PBX3: variants seen among roughly 807,000 people sequenced by gnomAD.
PBX3 encodes PBX homeobox 3.
PBX3 carries 14 observed loss-of-function variants against 48.5 expected under a neutral mutation model. The ratio of observed to expected loss-of-function variants is 0.29; its 90% CI spans 0.19 to 0.45. The LOEUF (loss-of-function observed/expected upper bound fraction) is 0.45. PBX3 is among the 20% of genes least tolerant of loss of function. PBX3 has a pLI of 1.00. For synonymous variants in PBX3, 210 were observed against 200.3 expected (o/e 1.05, Z -0.41); for missense variants, 386 against 546.7 (o/e 0.71, Z 2.93).
At chr9:125,890,082 C>T (rs1840604956) in intron 2 of PBX3, among the ~76,000 whole-genome samples, 1 of 152,142 alleles carries the variant, frequency 6.6e-6, no homozygotes, top group African/African-American at 2.4e-5. Context: ...AAAGTTAGTG[C>T]TTTTCCAATC....
chr9:125,805,271 T>G (rs10986935), intron 2 of PBX3, among the ~76,000 whole-genome samples: 3,054 of 151,884 alleles, frequency 0.02, 172 homozygotes, highest in East Asian at 0.17. Flanking sequence ...ACAGAGTGGA[T>G]GCCTTTGGGA....
intron 2 of PBX3, among the ~76,000 whole-genome samples, chr9:125,763,906 T>A (rs1205943886): frequency 6.6e-6 from 1 of 152,230 alleles, no homozygotes; most frequent in Non-Finnish European, 1.5e-5. Flanking sequence ...GATAGATTTT[T>A]TTGTGGAAGC....
chr9:125,801,482 A>T (rs1837942703), intron 2 of PBX3, among the ~76,000 whole-genome samples: 1 of 152,218 alleles, frequency 6.6e-6, no homozygotes, highest in Non-Finnish European at 1.5e-5. Context: ...TATGATTTCC[A>T]AGTATTTTGA....
At chr9:125,819,771 AC>A (rs557430318) in intron 2 of PBX3, among the ~76,000 whole-genome samples, 164 of 152,304 alleles carry the variant, frequency 1.1e-3, no homozygotes, top group African/African-American at 3.8e-3. Flanking sequence ...TGTACTCTTC[AC>A]TTTTAAGTTT....
At chr9:125,942,554 A>G (rs1438593070) in intron 5 of PBX3, among the ~76,000 whole-genome samples, 12 of 152,228 alleles carry the variant, frequency 7.9e-5, no homozygotes, top group African/African-American at 2.2e-4. Flanking sequence ...AAAGAAGATG[A>G]CTATCAAATT....
intron 2 of PBX3, among the ~76,000 whole-genome samples, chr9:125,786,144 G>A (rs1353228420): frequency 2.0e-5 from 3 of 152,172 alleles, no homozygotes; most frequent in Non-Finnish European, 4.4e-5. Context: ...TGTTGAGTTT[G>A]AGGTACTATG....
At chr9:125,924,708 T>C (rs1841533165) in intron 3 of PBX3, among the ~76,000 whole-genome samples, 1 of 152,236 alleles carries the variant, frequency 6.6e-6, no homozygotes, top group Non-Finnish European at 1.5e-5. Flanking sequence ...AAATATCGTA[T>C]TTATGGATAT....
chr9:125,833,156 A>G (rs1839014435), intron 2 of PBX3, among the ~76,000 whole-genome samples: 1 of 152,152 alleles, frequency 6.6e-6, no homozygotes, highest in African/African-American at 2.4e-5. Flanking sequence ...ATTTGTGTTT[A>G]CTGAGTTCCT....
At chr9:125,915,971 G>A (rs777747048) in intron 3 of PBX3, 44 bp downstream of exon 3, 1 of 1,598,418 alleles carries the variant, frequency 6.3e-7, no homozygotes, top group South Asian at 1.1e-5. Flanking sequence ...ACCCTCTGTT[G>A]CTCTTCTATT....
chr9:125,869,595 AT>A (rs1840068899), intron 2 of PBX3, among the ~76,000 whole-genome samples: 1 of 152,238 alleles, frequency 6.6e-6, no homozygotes, highest in African/African-American at 2.4e-5. Flanking sequence ...AATCAATGAA[AT>A]AATTTCAAAG....
chr9:125,819,668 G>A (rs1431762821), intron 2 of PBX3, among the ~76,000 whole-genome samples: 1 of 152,056 alleles, frequency 6.6e-6, no homozygotes, highest in East Asian at 1.9e-4. Flanking sequence ...CTTCATTTAT[G>A]AATAGATTTA....
chr9:125,859,119 A>G (rs1444848636), intron 2 of PBX3, among the ~76,000 whole-genome samples: 3 of 152,194 alleles, frequency 2.0e-5, no homozygotes, highest in South Asian at 2.1e-4. Flanking sequence ...AGGAGAAACG[A>G]TAGTATAGGC....
chr9:125,816,413 C>T (rs73667084), intron 2 of PBX3, among the ~76,000 whole-genome samples: 4,071 of 152,276 alleles, frequency 0.027, 211 homozygotes, highest in African/African-American at 0.092. Flanking sequence ...AGATCCAGAG[C>T]GATGCTTGCT....
At chr9:125,786,240 T>C (rs1837453607) in intron 2 of PBX3, among the ~76,000 whole-genome samples, 1 of 152,202 alleles carries the variant, frequency 6.6e-6, no homozygotes, top group Admixed American at 6.5e-5. Flanking sequence ...GAGCTACACA[T>C]ATGAACTGAG....
intron 2 of PBX3, among the ~76,000 whole-genome samples, chr9:125,891,110 A>G (rs1840631485): frequency 6.6e-6 from 1 of 152,248 alleles, no homozygotes. Context: ...TATGAAATAG[A>G]TAACATGTAT....
At chr9:125,797,173 A>G (rs1438789904) in intron 2 of PBX3, among the ~76,000 whole-genome samples, 1 of 152,176 alleles carries the variant, frequency 6.6e-6, no homozygotes, top group Non-Finnish European at 1.5e-5. Context: ...TATTTTAAAA[A>G]ATGTTTTGAA....
chr9:125,963,007 T>G lies in PBX3; in HGVS notation c.1123-5T>G. On this transcript the variant is annotated splice_polypyrimidine_tract_variant and splice_region_variant and intron_variant, in intron 7 of 8. Transcript: ENST00000373489. ...ATGATGAATTTTGTTTTGTCTCACT[T>G]CTAGGTGGATACCCTCCGTCATGTT... 1 of 1,582,022 alleles carries G rather than the reference T, an allele frequency of 6.3e-7. No homozygotes were observed. The highest frequency in any genetic ancestry group is 2.3e-5 in the East Asian group (1 of 44,418).
At chr9:125,769,283 A>G (rs10986894) in intron 2 of PBX3, among the ~76,000 whole-genome samples, 77,798 of 152,094 alleles carry the variant, frequency 0.51, 21,648 homozygotes, top group South Asian at 0.63. Context: ...GTGCACCATC[A>G]GTATAAATGT....
intron 5 of PBX3, chr9:125,949,319 A>G: frequency 6.5e-7 from 1 of 1,549,072 alleles, no homozygotes; most frequent in Non-Finnish European, 8.7e-7. Context: ...CATCTCAGGA[A>G]TGTTCATTAA....
Sources: gnomAD v4.1 joint callset for allele counts (sites outside exome capture counted in the v4.1 genomes callset) on GRCh38, gnomAD v4.1.1 for gene constraint, MANE v1.5 for transcripts, NCBI Gene and HGNC (gene_info 2026-07-23, HGNC 2026-07-21) for gene names.